The following SHROOM3 variants were observed in gnomAD, a reference collection of about 807,000 sequenced individuals.
SHROOM3 encodes the protein shroom family member 3.
SHROOM3 carries 47 observed loss-of-function variants against 138.6 expected under a neutral mutation model. That is an observed-to-expected ratio of 0.34 (90% confidence interval 0.27 to 0.43). The LOEUF is 0.43. SHROOM3 is among the 20% of genes least tolerant of loss of function. SHROOM3 has a pLI of 1.00. For missense variants in SHROOM3, 2,491 were observed against 2,596.5 expected, an observed-to-expected ratio of 0.96 and a Z score of 0.88; for synonymous variants, 1,062 against 1,063.3, an observed-to-expected ratio of 1.00 and a Z score of 0.02.
At chr4:76,604,121 G>A (rs572282533) in intron 2 of SHROOM3, among the ~76,000 whole-genome samples, 18 of 152,132 alleles carry the variant, frequency 1.2e-4, no homozygotes, top group African/African-American at 3.6e-4. Flanking sequence ...CACTGTGCCC[G>A]ACTGCATCTT....
chr4:76,773,443 A>G (rs1722440446), intron 10 of SHROOM3, among the ~76,000 whole-genome samples: 1 of 151,656 alleles, frequency 6.6e-6, no homozygotes, highest in Admixed American at 6.6e-5. Context: ...CCATCAAAAG[A>G]GATAAAGAAG....
intron 2 of SHROOM3, among the ~76,000 whole-genome samples, chr4:76,663,606 G>T (rs1365950755): frequency 6.6e-6 from 1 of 152,110 alleles, no homozygotes; most frequent in Non-Finnish European, 1.5e-5. Context: ...TCACTATGTT[G>T]CTCAGGCTGA....
At chr4:76,458,883 C>A (rs940903161) in intron 1 of SHROOM3, among the ~76,000 whole-genome samples, 32 of 152,270 alleles carry the variant, frequency 2.1e-4, no homozygotes, top group African/African-American at 5.5e-4. Context: ...AAACCTGCAT[C>A]CTGTATTTGG....
intron 3 of SHROOM3, among the ~76,000 whole-genome samples, chr4:76,728,006 T>C (rs958377459): frequency 6.8e-6 from 1 of 147,002 alleles, no homozygotes; most frequent in Admixed American, 6.8e-5. Context: ...AAAAAAGAAA[T>C]GCAAGAAAAA....
At chr4:76,658,244 G>T (rs1736109653) in intron 2 of SHROOM3, among the ~76,000 whole-genome samples, 1 of 152,158 alleles carries the variant, frequency 6.6e-6, no homozygotes, top group Admixed American at 6.5e-5. Flanking sequence ...ACTTATGTTT[G>T]CTACCTTAGT....
intron 1 of SHROOM3, among the ~76,000 whole-genome samples, chr4:76,477,400 G>A (rs1731509509): frequency 6.6e-6 from 1 of 152,106 alleles, no homozygotes; most frequent in African/African-American, 2.4e-5. Flanking sequence ...TCAGACCATT[G>A]CCCCTTGCCT....
intron 2 of SHROOM3, among the ~76,000 whole-genome samples, chr4:76,581,323 G>A (rs1179647687): frequency 6.6e-6 from 1 of 152,296 alleles, no homozygotes; most frequent in East Asian, 1.9e-4. Context: ...AGGGGGATAT[G>A]ATTACTTTAG....
At chr4:76,481,046 G>T (rs1243199231) in intron 1 of SHROOM3, among the ~76,000 whole-genome samples, 1 of 152,070 alleles carries the variant, frequency 6.6e-6, no homozygotes, top group East Asian at 1.9e-4. Context: ...ATTTAAGATA[G>T]ACACCCTAAC....
intron 2 of SHROOM3, among the ~76,000 whole-genome samples, chr4:76,688,031 G>A (rs1247512864): frequency 6.6e-6 from 1 of 152,184 alleles, no homozygotes; most frequent in Non-Finnish European, 1.5e-5. Flanking sequence ...TGCAAGGGCT[G>A]ACCACTTCTT....
At chr4:76,486,177 C>A (rs1731725931) in intron 1 of SHROOM3, among the ~76,000 whole-genome samples, 1 of 152,134 alleles carries the variant, frequency 6.6e-6, no homozygotes, top group South Asian at 2.1e-4. Flanking sequence ...TCAATAAGCA[C>A]AGATATTTGC....
At chr4:76,632,904 T>C (rs1383248268) in intron 2 of SHROOM3, among the ~76,000 whole-genome samples, 1 of 152,174 alleles carries the variant, frequency 6.6e-6, no homozygotes, top group Non-Finnish European at 1.5e-5. Flanking sequence ...ACCCCTCAAA[T>C]AGAACAAAAA....
chr4:76,544,159 C>G (rs1443591860), intron 1 of SHROOM3, among the ~76,000 whole-genome samples: 1 of 152,170 alleles, frequency 6.6e-6, no homozygotes, highest in African/African-American at 2.4e-5. Context: ...CCCTTATTAT[C>G]TGCAAACAGT....
At position 76,535,935 on chromosome 4, in the gene SHROOM3, G is replaced by T. The variant is rs975235099; in HGVS notation, c.169-19674G>T. Among the ~76,000 whole-genome samples the T allele has an allele frequency of 2.0e-5, 3 of 152,204 alleles. No individual in the cohort carries two copies. In the East Asian group the frequency reaches 5.8e-4, roughly 29 times the overall value. ...ATAAGCCACAGGCGGAGGAAGAAAT[G>T]CGGAGCTGATAATTGAAAGATAATG... On this transcript the variant is annotated intron_variant, in intron 1 of 10. Transcript: ENST00000296043.
chr4:76,689,525 G>A, intron 2 of SHROOM3: 8 of 983,894 alleles, frequency 8.1e-6, no homozygotes, highest in Non-Finnish European at 9.6e-6. Flanking sequence ...TGCAGCTGTA[G>A]CCGCGGCGCG....
At chr4:76,640,404 C>G (rs1735633040) in intron 2 of SHROOM3, among the ~76,000 whole-genome samples, 1 of 152,190 alleles carries the variant, frequency 6.6e-6, no homozygotes, top group African/African-American at 2.4e-5. Context: ...TCACGCTCAC[C>G]TGCTGGCGTG....
At chr4:76,668,524 G>C (rs1422617682) in intron 2 of SHROOM3, among the ~76,000 whole-genome samples, 1 of 152,112 alleles carries the variant, frequency 6.6e-6, no homozygotes, top group Non-Finnish European at 1.5e-5. Context: ...AGTGGGCTGA[G>C]ATTGTGCCAT....
intron 1 of SHROOM3, among the ~76,000 whole-genome samples, chr4:76,511,191 T>A (rs5003588): frequency 0.23 from 32,128 of 140,760 alleles, 4,390 homozygotes; most frequent in African/African-American, 0.39. Context: ...TCAAAAATAA[T>A]AATAATAATA....
intron 2 of SHROOM3, among the ~76,000 whole-genome samples, chr4:76,590,747 G>A (rs1369071871): frequency 6.6e-6 from 1 of 151,832 alleles, no homozygotes; most frequent in Non-Finnish European, 1.5e-5. Context: ...AAAGAATGGA[G>A]GTGAAAACAA....
chr4:76,566,438 A>C (rs1335868337), intron 2 of SHROOM3, among the ~76,000 whole-genome samples: 1 of 152,180 alleles, frequency 6.6e-6, no homozygotes, highest in Non-Finnish European at 1.5e-5. Context: ...CCCATGTTTC[A>C]AAAACCACAC....
Sources: gnomAD v4.1 joint callset for allele counts (sites outside exome capture counted in the v4.1 genomes callset) on GRCh38, gnomAD v4.1.1 for gene constraint, MANE v1.5 for transcripts, NCBI Gene and HGNC (gene_info 2026-07-23, HGNC 2026-07-21) for gene names.